PRKN: variants seen among roughly 807,000 people sequenced by gnomAD.
PRKN encodes E3 ubiquitin-protein ligase parkin.
In PRKN, 56 loss-of-function variants were observed where a neutral mutation model predicts 59.5. The ratio of observed to expected loss-of-function variants is 0.94; its 90% CI spans 0.76 to 1.18. PRKN has a LOEUF of 1.18. Ranked by LOEUF, PRKN falls within the 50% of genes most tolerant of loss-of-function variation. The probability of loss-of-function intolerance (pLI) is 0.00; values close to 1 mark genes in which losing one functional copy is unlikely to be tolerated. For synonymous variants in PRKN, 250 were observed against 222.1 expected (o/e 1.13, Z -1.12); for missense variants, 657 against 596.4 (o/e 1.10, Z -1.06).
At chr6:162,184,351 A>T (rs1783930083) in intron 4 of PRKN, among the ~76,000 whole-genome samples, 1 of 152,232 alleles carries the variant, frequency 6.6e-6, no homozygotes, top group Admixed American at 6.5e-5. Context: ...TGCCCCGCTG[A>T]TATGGTTTGG....
chr6:161,497,193 C>T lies in PRKN; in HGVS notation c.1083+51661G>A, dbSNP rs1777782920. Among the ~76,000 whole-genome samples, 1 of 152,168 alleles carries T rather than the reference C, an allele frequency of 6.6e-6. No homozygotes were observed. The highest frequency in any genetic ancestry group is 1.5e-5 in the Non-Finnish European group (1 of 68,022). Reference sequence around the variant, plus strand: ...CAGGAGGGGCACTTATCAGTACTTCCTCACTCCCAACATGAAAAGTCAGGT... The same window carrying T: ...CAGGAGGGGCACTTATCAGTACTTCTTCACTCCCAACATGAAAAGTCAGGT... On this transcript the variant is annotated intron_variant, in intron 9 of 11. Coordinates refer to ENST00000366898, the MANE Select transcript of PRKN (RefSeq NM_004562.3). The surrounding 1 kb of genome is among the most constrained non-coding windows in gnomAD (Gnocchi z 4.6).
intron 4 of PRKN, among the ~76,000 whole-genome samples, chr6:162,200,719 G>A (rs966254459): frequency 1.3e-5 from 2 of 152,032 alleles, no homozygotes; most frequent in Non-Finnish European, 2.9e-5. Context: ...CAATCTTAAC[G>A]CAACAGCCCA....
intron 2 of PRKN, among the ~76,000 whole-genome samples, chr6:162,409,114 C>T (rs561104826): frequency 2.2e-4 from 33 of 151,786 alleles, no homozygotes; most frequent in Non-Finnish European, 4.6e-4. Context: ...TGTGGTGTAC[C>T]TTCCATTCTT....
intron 6 of PRKN, among the ~76,000 whole-genome samples, chr6:161,826,623 C>A (rs752653829): frequency 6.6e-6 from 1 of 152,196 alleles, no homozygotes; most frequent in Non-Finnish European, 1.5e-5. Context: ...CCTTGTTCCA[C>A]CCAGTCAGTT....
chr6:162,387,096 T>C (rs376890961), intron 2 of PRKN, among the ~76,000 whole-genome samples: 1 of 152,076 alleles, frequency 6.6e-6, no homozygotes, highest in African/African-American at 2.4e-5. Flanking sequence ...AGTATTACTA[T>C]ACTAGGGTGC....
intron 1 of PRKN, among the ~76,000 whole-genome samples, chr6:162,594,702 CA>C (rs1219762472): frequency 2.0e-5 from 3 of 152,168 alleles, no homozygotes; most frequent in African/African-American, 7.2e-5. Context: ...TTCACATGCT[CA>C]AATTGTTCCT....
intron 1 of PRKN, among the ~76,000 whole-genome samples, chr6:162,476,555 A>G (rs1231823550): frequency 6.6e-6 from 1 of 152,164 alleles, no homozygotes; most frequent in Non-Finnish European, 1.5e-5. Flanking sequence ...GGGCAGAAAT[A>G]AACAATAGGT....
intron 1 of PRKN, among the ~76,000 whole-genome samples, chr6:162,579,561 TCACA>T (rs372262989): frequency 5.7e-4 from 86 of 151,754 alleles, no homozygotes; most frequent in Non-Finnish European, 6.2e-4. Context: ...ATATCCAGAT[TCACA>T]CACAGATTTA....
At chr6:161,490,639 C>A (rs147164358) in intron 9 of PRKN, among the ~76,000 whole-genome samples, 504 of 152,182 alleles carry the variant, frequency 3.3e-3, no homozygotes, top group African/African-American at 0.012. Flanking sequence ...GATCCTCCCA[C>A]CTTGGCATCC....
chr6:162,394,462 T>C (rs1409710249), intron 2 of PRKN, among the ~76,000 whole-genome samples: 1 of 152,200 alleles, frequency 6.6e-6, no homozygotes, highest in Non-Finnish European at 1.5e-5. Context: ...ATCCACCTAG[T>C]CACTACTACA....
At chr6:161,472,405 T>C (rs986058320) in intron 9 of PRKN, among the ~76,000 whole-genome samples, 4 of 152,136 alleles carry the variant, frequency 2.6e-5, no homozygotes, top group African/African-American at 7.2e-5. Context: ...CACAATGGTA[T>C]CTGGATAGGA....
intron 7 of PRKN, among the ~76,000 whole-genome samples, chr6:161,771,364 A>AT (rs1412313809): frequency 2.1e-5 from 2 of 95,570 alleles, no homozygotes; most frequent in Non-Finnish European, 4.3e-5. Context: ...TCAAAAAAAA[A>AT]AAAAAAATAA....
chr6:162,600,705 ACAG>A (rs1276785146), intron 1 of PRKN, among the ~76,000 whole-genome samples: 13 of 152,118 alleles, frequency 8.5e-5, no homozygotes, highest in African/African-American at 1.2e-4. Context: ...TGTTCTCATG[ACAG>A]TGAGTGAGTT....
chr6:161,436,402 A>G (rs1788914039), intron 9 of PRKN, among the ~76,000 whole-genome samples: 1 of 149,844 alleles, frequency 6.7e-6, no homozygotes, highest in African/African-American at 2.5e-5. Flanking sequence ...GAGGCATGGC[A>G]TAGAGACATG....
intron 9 of PRKN, among the ~76,000 whole-genome samples, chr6:161,500,336 A>G (rs1310499017): frequency 6.6e-6 from 1 of 152,162 alleles, no homozygotes; most frequent in East Asian, 1.9e-4. Context: ...CTCAGTTTAC[A>G]TGAGGTTCAC....
At chr6:162,224,043 T>C (rs988749518) in intron 3 of PRKN, among the ~76,000 whole-genome samples, 2 of 152,120 alleles carry the variant, frequency 1.3e-5, no homozygotes, top group East Asian at 1.9e-4. Flanking sequence ...ACAATAAGCT[T>C]TGAGTCGATG....
At chr6:161,820,015 C>T (rs1292429969) in intron 6 of PRKN, among the ~76,000 whole-genome samples, 1 of 152,076 alleles carries the variant, frequency 6.6e-6, no homozygotes, top group Non-Finnish European at 1.5e-5. Context: ...AGAGCTCTTA[C>T]AATTTAGTAA....
chr6:162,486,479 T>C (rs181726293), intron 1 of PRKN, among the ~76,000 whole-genome samples: 24 of 152,286 alleles, frequency 1.6e-4, no homozygotes, highest in East Asian at 7.7e-4. Flanking sequence ...GTTGTCTCTG[T>C]TTTTCATAAT....
intron 9 of PRKN, among the ~76,000 whole-genome samples, chr6:161,531,780 A>G (rs1779222538): frequency 6.6e-6 from 1 of 152,224 alleles, no homozygotes; most frequent in East Asian, 1.9e-4. Context: ...AAACCTGAAT[A>G]TCAGACATGC....
Sources: gnomAD v4.1 joint callset for allele counts (sites outside exome capture counted in the v4.1 genomes callset) on GRCh38, gnomAD v4.1.1 for gene constraint, Gnocchi (gnomAD v3.1) non-coding constraint, MANE v1.5 for transcripts, NCBI Gene and HGNC (gene_info 2026-07-23, HGNC 2026-07-21) for gene names.